HMSD: variants seen among roughly 807,000 people sequenced by gnomAD.
HMSD encodes the protein serpin-like protein HMSD.
HMSD carries 13 observed loss-of-function variants against 10.0 expected under a neutral mutation model. The observed-to-expected ratio is 1.31, with a 90% confidence interval of 0.85 to 2.08. The LOEUF is 2.08. Ranked by LOEUF, HMSD falls within the 30% of genes most tolerant of loss-of-function variation. The pLI, the probability that HMSD is intolerant of heterozygous loss-of-function variation, is 0.00. For synonymous variants in HMSD, 51 were observed against 54.2 expected, an observed-to-expected ratio of 0.94 and a Z score of 0.26; for missense variants, 169 against 166.3, an observed-to-expected ratio of 1.02 and a Z score of -0.09.
chr18:63,954,361 T>C, intron 2 of HMSD, 47 bp from the exon 3 acceptor site: 1 of 1,415,808 alleles, frequency 7.1e-7, no homozygotes, highest in Non-Finnish European at 9.9e-7. Flanking sequence ...TATTTTGAAG[T>C]CACAGAATAC....
downstream of HMSD, among the ~76,000 whole-genome samples, chr18:63,964,870 TA>T (rs1380792880): frequency 6.6e-6 from 1 of 152,200 alleles, no homozygotes; most frequent in Non-Finnish European, 1.5e-5. Flanking sequence ...GAGGACATAA[TA>T]CAGTCTATGA....
intron 3 of HMSD, among the ~76,000 whole-genome samples, chr18:63,955,651 G>A (rs555362230): frequency 3.3e-5 from 5 of 152,238 alleles, no homozygotes; most frequent in Admixed American, 3.3e-4. Flanking sequence ...GGGCCAAGAT[G>A]GCCGACTAAA....
At chr18:63,955,666 G>C (rs2050354134) in intron 3 of HMSD, among the ~76,000 whole-genome samples, 1 of 148,844 alleles carries the variant, frequency 6.7e-6, no homozygotes, top group Admixed American at 6.7e-5. Flanking sequence ...ACTAAAAGGA[G>C]CTCCTGATGC....
In HMSD at chr18:63,949,400, G is replaced by C. The variant is rs1203082885; in HGVS notation, c.-103G>C. 6.6e-6 allele frequency: 1 copy of C among 152,464 alleles called. No individual in the cohort carries two copies. Among genetic ancestry groups the C allele is most frequent in the Non-Finnish European group, 1.5e-5 (1 of 68,222 alleles). 9.4% of individuals were successfully genotyped at this position (152,464 alleles called of 1,614,324 possible). On this transcript the variant is annotated splice_region_variant and 5_prime_UTR_variant, in exon 1 of 4. Coordinates refer to ENST00000408945, the MANE Select transcript of HMSD (RefSeq NM_001123366.2). ...CCTGGGCAGCTGCGCGGAGAACTGG[G>C]GTAGGTGTTTGACTTTGGGAGTGGT...
intron 3 of HMSD, among the ~76,000 whole-genome samples, chr18:63,959,251 C>T (rs187796658): frequency 1.7e-3 from 261 of 152,314 alleles, no homozygotes; most frequent in African/African-American, 5.7e-3. Flanking sequence ...AACTTCCACA[C>T]TGTCTTCCAA....
chr18:63,960,040 C>A, intron 3 of HMSD, 118 bp from the exon 4 acceptor site: 2 of 1,065,074 alleles, frequency 1.9e-6, no homozygotes, highest in Non-Finnish European at 2.7e-6. Flanking sequence ...TCTTTATTTG[C>A]AAATTATATA....
chr18:63,965,615 G>C (rs1048740472), downstream of HMSD, among the ~76,000 whole-genome samples: 3 of 152,118 alleles, frequency 2.0e-5, no homozygotes, highest in South Asian at 2.1e-4. Flanking sequence ...GGTCCACTGG[G>C]TTCTCCATAC....
downstream of HMSD, among the ~76,000 whole-genome samples, chr18:63,965,917 C>A (rs566992005): frequency 1.3e-5 from 2 of 152,230 alleles, no homozygotes; most frequent in Admixed American, 1.3e-4. Context: ...ATTGAACCTG[C>A]AGGTTCAATG....
chr18:63,957,307 CA>C (rs55978412), intron 3 of HMSD, among the ~76,000 whole-genome samples: 63,362 of 143,922 alleles, frequency 0.44, 16,426 homozygotes, highest in African/African-American at 0.75. Flanking sequence ...AGAGAAGCAA[CA>C]AAAAAAAAAA....
Position 63,960,254 on chromosome 18 carries a change from T to C in HMSD, c.319T>C (p.Trp107Arg), listed in dbSNP as rs2050379350. The C allele has an allele frequency of 2.5e-6, 4 of 1,613,484 alleles. No individual in the cohort carries two copies. The highest frequency in any genetic ancestry group is 3.4e-6 in the Non-Finnish European group (4 of 1,179,796). Residue 107 changes from tryptophan to arginine, a missense_variant, in exon 4 of 4, where the codon TGG becomes CGG. Physicochemically the swap from Trp to Arg is moderately radical, Grantham distance 101. Transcript: ENST00000408945. ...GAAGTCCACAACACGTGTAAACTCCTGGGTTGCTGATAAAACTAAAGGTGA... is the reference window on the plus strand; with the variant it reads ...GAAGTCCACAACACGTGTAAACTCCCGGGTTGCTGATAAAACTAAAGGTGA... Reference protein sequence around the residue: ...TEKSTTRVNSWVADKTKGENI... With the variant: ...TEKSTTRVNSRVADKTKGENI...
downstream of HMSD, among the ~76,000 whole-genome samples, chr18:63,963,219 CCTTCCTTG>C (rs1386141194): frequency 2.6e-5 from 2 of 78,138 alleles, no homozygotes; most frequent in African/African-American, 1.8e-4. Flanking sequence ...TTCCTTCCTT[CCTTCCTTG>C]CTTCCTTCCT....
chr18:63,950,976 A>T (rs930714506), intron 1 of HMSD, among the ~76,000 whole-genome samples: 1 of 152,216 alleles, frequency 6.6e-6, no homozygotes, highest in Non-Finnish European at 1.5e-5. Context: ...ATATAAAAAG[A>T]TAGAGTGAAG....
chr18:63,954,272 T>C lies in HMSD; in HGVS notation c.73-136T>C, dbSNP rs77670895. 9.6e-3 allele frequency: 6,408 copies of C among 666,278 alleles called. 50 individuals carry two copies. The highest frequency in any genetic ancestry group is 0.013 in the Non-Finnish European group (5,389 of 401,858). 41.3% of individuals were successfully genotyped at this position (666,278 alleles called of 1,614,324 possible). A position where few individuals can be genotyped will look rare whatever the true frequency, so the allele number is the denominator to read the frequency against. On this transcript the variant is annotated intron_variant, in intron 2 of 3. Coordinates refer to ENST00000408945, the MANE Select transcript of HMSD (RefSeq NM_001123366.2). The stretch of plus-strand genomic sequence containing the variant: ...AGGGTTGCTTTTGAGACACTCTCTA[T>C]CTTTTATTAGATTGATCATCTTTTA...
chr18:63,963,121 CTTT>C (rs1568261408), downstream of HMSD, among the ~76,000 whole-genome samples: 8 of 121,748 alleles, frequency 6.6e-5, no homozygotes, highest in South Asian at 5.1e-4. Context: ...TTCTTTCTTT[CTTT>C]CTTTCTTTCC....
At chr18:63,954,182 A>G (rs2050345330) in intron 2 of HMSD, among the ~76,000 whole-genome samples, 1 of 152,226 alleles carries the variant, frequency 6.6e-6, no homozygotes, top group African/African-American at 2.4e-5. Flanking sequence ...CAATACTTAG[A>G]TAACATTCGT....
chr18:63,953,469 C>T lies in HMSD; in HGVS notation c.14C>T (p.Ser5Leu). 6.2e-7 allele frequency: 1 copy of T among 1,613,898 alleles called. No individual in the cohort carries two copies. ...ATTTTTTTCCCCATGAGCATATCATCAGCCTTGGCCATGGTTTTCATGGGG... is the reference window on the plus strand; with the variant it reads ...ATTTTTTTCCCCATGAGCATATCATTAGCCTTGGCCATGGTTTTCATGGGG... MSIS[S>L]ALAMVFMGAK... Residue 5 changes from serine to leucine, a missense_variant, in exon 2 of 4, where the codon TCA (serine) becomes TTA (leucine). By Grantham distance (145) the Ser-to-Leu change is moderately radical. Transcript: ENST00000408945.
At chr18:63,965,049 T>G (rs544142076), downstream of HMSD, among the ~76,000 whole-genome samples, 1 of 152,378 alleles carries the variant, frequency 6.6e-6, no homozygotes, top group South Asian at 2.1e-4. Flanking sequence ...AAATCTCTGA[T>G]GTAGTTTGTT....
At chr18:63,957,760 A>G (rs1019664518) in intron 3 of HMSD, among the ~76,000 whole-genome samples, 2 of 152,236 alleles carry the variant, frequency 1.3e-5, no homozygotes, top group Non-Finnish European at 2.9e-5. Flanking sequence ...AAAGAAAAGC[A>G]TTGATATTTA....
chr18:63,955,540 G>A (rs571391632), intron 3 of HMSD, among the ~76,000 whole-genome samples: 1 of 152,274 alleles, frequency 6.6e-6, no homozygotes, highest in Admixed American at 6.5e-5. Flanking sequence ...CCACAGTTTT[G>A]TAGCCATTTA....
Sources: gnomAD v4.1 joint callset for allele counts (sites outside exome capture counted in the v4.1 genomes callset) on GRCh38, gnomAD v4.1.1 for gene constraint, MANE v1.5 for transcripts, NCBI Gene and HGNC (gene_info 2026-07-23, HGNC 2026-07-21) for gene names.